SLC7A2: variants seen among roughly 807,000 people sequenced by gnomAD.
SLC7A2 encodes cationic amino acid transporter 2.
A neutral mutation model predicts 58.9 loss-of-function variants in SLC7A2; 48 were observed. The observed-to-expected ratio is 0.82, with a 90% CI of 0.65 to 1.04. SLC7A2 has a LOEUF of 1.04. Among genes scored for constraint, SLC7A2 ranks in the 50% least tolerant of loss-of-function variants. The pLI is 0.00. For synonymous variants in SLC7A2, 363 were observed against 314.5 expected, an observed-to-expected ratio of 1.15 and a Z score of -1.63; for missense variants, 1,029 against 818.8, an observed-to-expected ratio of 1.26 and a Z score of -3.13.
At position 17,543,581 on chromosome 8, in the gene SLC7A2, T is replaced by C. The variant is rs778200972; in HGVS notation, c.242T>C (p.Met81Thr). 2.5e-6 allele frequency: 4 copies of C among 1,610,824 alleles called. No homozygotes were observed. The highest frequency in any genetic ancestry group is 3.4e-6 in the Non-Finnish European group (4 of 1,178,390). Reference sequence around the variant, plus strand: ...CTCATTGCTGCCCTGGCTTCAGTGATGGCTGGCCTCTGCTATGCCGAATTT... The same window carrying C: ...CTCATTGCTGCCCTGGCTTCAGTGACGGCTGGCCTCTGCTATGCCGAATTT... ...SFLIAALASVMAGLCYAEFGA... is the reference protein window; with the variant it reads ...SFLIAALASVTAGLCYAEFGA... Residue 81 changes from methionine to threonine, a missense_variant, in exon 3 of 13, where the codon ATG becomes ACG. By Grantham distance (81) the Met-to-Thr change is moderately conservative (BLOSUM62 -1). Transcript: ENST00000494857.
rs10112024 is a variant in SLC7A2 at position 17,546,469 on chromosome 8, G to C, written c.532+1863G>C. On this transcript the variant is annotated intron_variant, in intron 4 of 12. Coordinates refer to ENST00000494857, the MANE Select transcript of SLC7A2 (RefSeq NM_001370338.1). ...AAGATACACGGGAAGTGTATGCTCT[G>C]CTTAGATGAGATATTCATTGGTGTC... is the stretch of plus-strand genomic sequence containing the variant. Among the ~76,000 whole-genome samples, 447 of 152,336 alleles carry C rather than the reference G, an allele frequency of 2.9e-3. 1 individual carries two copies. Among genetic ancestry groups the C allele is most frequent in the African/African-American group, 0.01 (430 of 41,578 alleles).
At chr8:17,557,551 C>T (rs1007076705) in intron 8 of SLC7A2, among the ~76,000 whole-genome samples, 6 of 152,138 alleles carry the variant, frequency 3.9e-5, no homozygotes, top group Non-Finnish European at 7.3e-5. Flanking sequence ...CTGAGTCAGG[C>T]CGGGCACTGT....
intron 2 of SLC7A2, among the ~76,000 whole-genome samples, chr8:17,513,186 C>T (rs1205544617): frequency 6.6e-6 from 1 of 152,130 alleles, no homozygotes; most frequent in Non-Finnish European, 1.5e-5. Context: ...AGTAGAATTG[C>T]TGGATCATAT....
At chr8:17,561,319 G>A (rs1022602486) in intron 10 of SLC7A2, among the ~76,000 whole-genome samples, 6 of 152,114 alleles carry the variant, frequency 3.9e-5, no homozygotes, top group African/African-American at 1.2e-4. Flanking sequence ...GGTGGAAGGC[G>A]AAAGGCACAT....
intron 2 of SLC7A2, among the ~76,000 whole-genome samples, chr8:17,506,452 A>C (rs1323413962): frequency 6.6e-6 from 1 of 152,220 alleles, no homozygotes; most frequent in African/African-American, 2.4e-5. Context: ...CAGTACATTT[A>C]AAACTGTCCT....
Position 17,565,250 on chromosome 8 carries a change from C to A in SLC7A2, c.*104C>A. The A allele has an allele frequency of 1.2e-6, 1 of 853,198 alleles. No homozygotes were observed. The highest frequency in any genetic ancestry group is 1.8e-6 in the Non-Finnish European group (1 of 553,182). 52.9% of individuals were successfully genotyped at this position (853,198 alleles called of 1,614,324 possible). On this transcript the variant is annotated 3_prime_UTR_variant, in exon 13 of 13. Coordinates refer to ENST00000494857, the MANE Select transcript of SLC7A2 (RefSeq NM_001370338.1). Reference sequence around the variant, plus strand: ...ATGCTGGGTTGTCATGGGTTTGCTGCATACATAGTTCACCCTAATTTATAC... The same window carrying A: ...ATGCTGGGTTGTCATGGGTTTGCTGAATACATAGTTCACCCTAATTTATAC...
intron 4 of SLC7A2, among the ~76,000 whole-genome samples, chr8:17,546,285 G>T (rs901725071): frequency 6.6e-6 from 1 of 152,196 alleles, no homozygotes; most frequent in African/African-American, 2.4e-5. Flanking sequence ...TGGCTCATTT[G>T]TCCTGTGTTC....
At chr8:17,521,624 C>A (rs1210465099) in intron 2 of SLC7A2, among the ~76,000 whole-genome samples, 4 of 152,232 alleles carry the variant, frequency 2.6e-5, no homozygotes, top group African/African-American at 9.6e-5. Context: ...GGACTCTTCA[C>A]AGGGAGACGT....
chr8:17,555,118 A>C (rs1237866287), intron 8 of SLC7A2: 1 of 1,605,356 alleles, frequency 6.2e-7, no homozygotes, highest in Non-Finnish European at 8.5e-7. Context: ...TGAGCATTAG[A>C]CTGGAACATT....
intron 2 of SLC7A2, among the ~76,000 whole-genome samples, chr8:17,517,092 C>G (rs892162501): frequency 2.0e-5 from 3 of 152,148 alleles, no homozygotes; most frequent in Non-Finnish European, 4.4e-5. Flanking sequence ...AAATATGGAT[C>G]CAATATCTCT....
chr8:17,558,676 A>G (rs770505448), intron 9 of SLC7A2, among the ~76,000 whole-genome samples: 3 of 152,214 alleles, frequency 2.0e-5, no homozygotes, highest in Non-Finnish European at 4.4e-5. Flanking sequence ...TTTTTGTTCC[A>G]TTGATTCAGT....
At chr8:17,522,336 C>T (rs1021501860) in intron 2 of SLC7A2, among the ~76,000 whole-genome samples, 1 of 152,058 alleles carries the variant, frequency 6.6e-6, no homozygotes, top group Non-Finnish European at 1.5e-5. Flanking sequence ...CCCACTAGGT[C>T]CCTCCCACAA....
chr8:17,515,419 C>T (rs1261116196), intron 2 of SLC7A2, among the ~76,000 whole-genome samples: 1 of 152,020 alleles, frequency 6.6e-6, no homozygotes, highest in Non-Finnish European at 1.5e-5. Flanking sequence ...CCTCAGCCTC[C>T]TGAGTAGCTG....
At chr8:17,510,796 C>G (rs561934728) in intron 2 of SLC7A2, 1 of 152,140 alleles carries the variant, frequency 6.6e-6, no homozygotes, top group East Asian at 1.9e-4. Context: ...GAAAACACAT[C>G]CAAACCCATG....
At chr8:17,529,842 G>T (rs1801370280) in intron 2 of SLC7A2, among the ~76,000 whole-genome samples, 1 of 152,006 alleles carries the variant, frequency 6.6e-6, no homozygotes, top group Non-Finnish European at 1.5e-5. Flanking sequence ...TGGCCCAGAG[G>T]GACATTTTCA....
At chr8:17,509,081 G>A (rs1800490373) in intron 2 of SLC7A2, among the ~76,000 whole-genome samples, 1 of 152,232 alleles carries the variant, frequency 6.6e-6, no homozygotes, top group East Asian at 1.9e-4. Context: ...GACATCAGCT[G>A]TAGTTGTTGG....
At chr8:17,502,090 C>A (rs1479514046) in intron 1 of SLC7A2, among the ~76,000 whole-genome samples, 167 bp from the exon 2 acceptor site, 1 of 150,934 alleles carries the variant, frequency 6.6e-6, no homozygotes, top group African/African-American at 2.4e-5. Flanking sequence ...GTATTCCCAC[C>A]ATATGTATAT....
At chr8:17,547,785 A>AGTGTGTGTGTGTGT (rs35052068) in intron 4 of SLC7A2, among the ~76,000 whole-genome samples, 2,712 of 144,748 alleles carry the variant, frequency 0.019, 31 homozygotes, top group Non-Finnish European at 0.031. Context: ...GGCACAAAAG[A>AGTGTGTGTGTGTGT]GTGTGTGTGT....
At chr8:17,523,957 A>G (rs149856267) in intron 2 of SLC7A2, among the ~76,000 whole-genome samples, 2,857 of 152,292 alleles carry the variant, frequency 0.019, 62 homozygotes, top group African/African-American at 0.057. Flanking sequence ...TGAATAGACA[A>G]TTCTCAAAAG....
Sources: allele counts gnomAD v4.1 joint callset (sites outside exome capture counted in the v4.1 genomes callset), GRCh38; gene constraint gnomAD v4.1.1; transcripts MANE v1.5; gene names NCBI Gene and HGNC (gene_info 2026-07-23, HGNC 2026-07-21).